RCAN2: variants seen among roughly 807,000 people sequenced by gnomAD.
RCAN2 encodes the protein regulator of calcineurin 2.
A neutral mutation model predicts 23.6 loss-of-function variants in RCAN2; 9 were observed. The observed-to-expected ratio is 0.38, with a 90% CI of 0.23 to 0.67. The LOEUF (loss-of-function observed/expected upper bound fraction) is 0.67. Ranked by LOEUF, RCAN2 falls within the 30% of genes least tolerant of loss-of-function variation. The probability of loss-of-function intolerance (pLI) is 0.51; values close to 1 mark genes in which losing one functional copy is unlikely to be tolerated. For synonymous variants in RCAN2, 109 were observed against 115.7 expected (o/e 0.94, Z 0.37); for missense variants, 273 against 302.3 (o/e 0.90, Z 0.72).
intron 4 of RCAN2, among the ~76,000 whole-genome samples, chr6:46,240,741 T>C (rs1766275763): frequency 6.6e-6 from 1 of 152,206 alleles, no homozygotes; most frequent in African/African-American, 2.4e-5. Context: ...AATCAGAGCC[T>C]GGAATAGAAA....
chr6:46,229,141 T>C lies in RCAN2; in HGVS notation c.572-5840A>G, dbSNP rs149433374. 7.1e-3 allele frequency among the ~76,000 whole-genome samples: 1,088 copies of C among 152,338 alleles called. 16 individuals carry two copies. Among genetic ancestry groups the C allele is most frequent in the African/African-American group, 0.025 (1,042 of 41,566 alleles). On this transcript the variant is annotated intron_variant, in intron 4 of 4. Transcript: ENST00000371374. ...GTAGAGTTTCTGCTGAGAGATCAGC[T>C]GTTAGTCTGGTGGGCTTTCCTTTGT...
At chr6:46,321,697 C>T (rs895801485) in intron 2 of RCAN2, among the ~76,000 whole-genome samples, 1 of 152,238 alleles carries the variant, frequency 6.6e-6, no homozygotes, top group Non-Finnish European at 1.5e-5. Flanking sequence ...TGGCACTCTG[C>T]AGCTCTGAGA....
intron 2 of RCAN2, among the ~76,000 whole-genome samples, chr6:46,433,435 TA>T (rs745830625): frequency 7.2e-5 from 11 of 152,298 alleles, no homozygotes; most frequent in Non-Finnish European, 1.5e-4. Context: ...GCGATTACAT[TA>T]AGGACTTTAA....
At chr6:46,467,673 T>C (rs1287100475) in intron 1 of RCAN2, among the ~76,000 whole-genome samples, 2 of 152,244 alleles carry the variant, frequency 1.3e-5, no homozygotes, top group Non-Finnish European at 2.9e-5. Context: ...TGAACATCTC[T>C]GGGCACCATA....
At chr6:46,357,343 A>T (rs901493735) in intron 2 of RCAN2, among the ~76,000 whole-genome samples, 1 of 152,208 alleles carries the variant, frequency 6.6e-6, no homozygotes. Flanking sequence ...TTCAAATGGA[A>T]ATTTGGAGAT....
chr6:46,304,026 T>C (rs1762990359), intron 2 of RCAN2, among the ~76,000 whole-genome samples: 1 of 152,138 alleles, frequency 6.6e-6, no homozygotes, highest in Non-Finnish European at 1.5e-5. Context: ...GCAAACAATT[T>C]CCCAAAGTGG....
chr6:46,458,820 T>C (rs776141319), intron 1 of RCAN2, among the ~76,000 whole-genome samples: 1 of 152,240 alleles, frequency 6.6e-6, no homozygotes, highest in Non-Finnish European at 1.5e-5. Flanking sequence ...ATTGTTTTAA[T>C]AGTAAAAATA....
chr6:46,324,413 ACCTGCACAC>A (rs1763722606), intron 2 of RCAN2, among the ~76,000 whole-genome samples: 1 of 152,234 alleles, frequency 6.6e-6, no homozygotes, highest in Non-Finnish European at 1.5e-5. Context: ...CCAGGGTGTC[ACCTGCACAC>A]CCAACAATAA....
chr6:46,487,070 G>A (rs1018954720), intron 1 of RCAN2, among the ~76,000 whole-genome samples: 1 of 152,140 alleles, frequency 6.6e-6, no homozygotes, highest in African/African-American at 2.4e-5. Flanking sequence ...GGAAGACAAA[G>A]CACATATCTG....
intron 1 of RCAN2, among the ~76,000 whole-genome samples, chr6:46,471,035 C>T (rs536243860): frequency 1.3e-5 from 2 of 152,294 alleles, no homozygotes; most frequent in Non-Finnish European, 2.9e-5. Context: ...CTATTTTATA[C>T]ACTTTATGTA....
In RCAN2 at chr6:46,424,020, G is replaced by A. The variant is rs771179617; in HGVS notation, c.225+32732C>T. Among the ~76,000 whole-genome samples the A allele has an allele frequency of 3.9e-5, 6 of 152,068 alleles. No individual in the cohort carries two copies. The South Asian group carries it at 8.3e-4, about 21-fold the overall frequency. ...GCAAAAGTGTGGTTCTCGAACCTGC[G>A]AGCTAACCACTCTGTACCACCATCC... is the stretch of plus-strand genomic sequence containing the variant. On this transcript the variant is annotated intron_variant, in intron 2 of 4. Coordinates refer to ENST00000371374, the MANE Select transcript of RCAN2 (RefSeq NM_001251974.2).
chr6:46,336,306 A>G (rs903578900), intron 2 of RCAN2, among the ~76,000 whole-genome samples: 4 of 152,216 alleles, frequency 2.6e-5, no homozygotes, highest in Admixed American at 6.5e-5. Context: ...ACTAGACTAG[A>G]TGGGGTGGTT....
At chr6:46,393,483 G>T (rs1765995193) in intron 2 of RCAN2, among the ~76,000 whole-genome samples, 4 of 152,182 alleles carry the variant, frequency 2.6e-5, no homozygotes, top group Non-Finnish European at 5.9e-5. Context: ...TGTCCCAGGG[G>T]AAACGGTGGG....
At chr6:46,278,633 C>T (rs1326594842) in intron 2 of RCAN2, among the ~76,000 whole-genome samples, 8 of 152,186 alleles carry the variant, frequency 5.3e-5, no homozygotes, top group Non-Finnish European at 1.2e-4. Flanking sequence ...AAGAAAATCA[C>T]ACATAATGTA....
chr6:46,301,229 C>T (rs977029087), intron 2 of RCAN2, among the ~76,000 whole-genome samples: 3 of 152,066 alleles, frequency 2.0e-5, no homozygotes, highest in African/African-American at 7.2e-5. Context: ...TAAAACCCAA[C>T]AGGATTCAAT....
intron 2 of RCAN2, among the ~76,000 whole-genome samples, chr6:46,441,691 G>A (rs1437077071): frequency 2.1e-5 from 3 of 140,470 alleles, no homozygotes; most frequent in Non-Finnish European, 1.5e-5. Flanking sequence ...TAAAATAATA[G>A]TCAGGCTATA....
At chr6:46,288,534 G>A (rs1183356718) in intron 2 of RCAN2, among the ~76,000 whole-genome samples, 2 of 152,302 alleles carry the variant, frequency 1.3e-5, no homozygotes, top group African/African-American at 4.8e-5. Flanking sequence ...ATGATTTGAG[G>A]CTAAACAGAC....
At chr6:46,360,795 C>T (rs1351877581) in intron 2 of RCAN2, among the ~76,000 whole-genome samples, 2 of 152,104 alleles carry the variant, frequency 1.3e-5, no homozygotes, top group African/African-American at 4.8e-5. Flanking sequence ...CTTTCATTTG[C>T]TATAGTGGGA....
At chr6:46,484,195 G>T (rs1768936026) in intron 1 of RCAN2, among the ~76,000 whole-genome samples, 1 of 152,130 alleles carries the variant, frequency 6.6e-6, no homozygotes, top group African/African-American at 2.4e-5. Flanking sequence ...CAATAAATTG[G>T]TCAATATAAT....
Sources: gnomAD v4.1 joint callset for allele counts (sites outside exome capture counted in the v4.1 genomes callset) on GRCh38, gnomAD v4.1.1 for gene constraint, MANE v1.5 for transcripts, NCBI Gene and HGNC (gene_info 2026-07-23, HGNC 2026-07-21) for gene names.